The following FBXO41 variants were observed in gnomAD, a reference collection of about 807,000 sequenced individuals.
FBXO41 encodes F-box protein 41.
A neutral mutation model predicts 81.6 loss-of-function variants in FBXO41; 33 were observed. That is an observed-to-expected ratio of 0.40 (90% CI 0.31 to 0.54). FBXO41 has a LOEUF of 0.54. FBXO41 is among the 20% of genes least tolerant of loss of function. The pLI is 0.39. For missense variants in FBXO41, 1,107 were observed against 1,236.0 expected, an observed-to-expected ratio of 0.90 and a Z score of 1.56; for synonymous variants, 576 against 552.7, an observed-to-expected ratio of 1.04 and a Z score of -0.59.
At chr2:73,273,606 G>C (rs192221251) in intron 1 of FBXO41, among the ~76,000 whole-genome samples, 4 of 152,260 alleles carry the variant, frequency 2.6e-5, no homozygotes, top group East Asian at 3.9e-4. Context: ...CAGTCACTTC[G>C]GGAGCTGTGC....
rs1181494058 is a variant in FBXO41 at position 73,263,624 on chromosome 2, G to A, written c.2075+54C>T. 4.4e-6 allele frequency: 7 copies of A among 1,601,490 alleles called. No individual in the cohort carries two copies. The East Asian group carries it at 6.7e-5, about 15-fold the overall frequency. ...GAGGCTATGCAGCACCTAGGGATCC[G>A]GTAGGACCCTGGGCTTAGAGGGAAC... is the stretch of plus-strand genomic sequence containing the variant. On this transcript the variant is annotated intron_variant, in intron 8 of 12. Transcript: ENST00000520530.
At chr2:73,274,269 G>T (rs1383274050) in intron 1 of FBXO41, among the ~76,000 whole-genome samples, 1 of 152,196 alleles carries the variant, frequency 6.6e-6, no homozygotes, top group Non-Finnish European at 1.5e-5. Context: ...GTGATGGCTG[G>T]ACAGTTTTTC....
chr2:73,282,786 C>CA (rs1431133697), intron 1 of FBXO41, among the ~76,000 whole-genome samples: 29 of 152,128 alleles, frequency 1.9e-4, no homozygotes, highest in Non-Finnish European at 3.2e-4. Flanking sequence ...TGGATATCAC[C>CA]AAACTCCCTC....
At chr2:73,279,450 G>A (rs561614350) in intron 1 of FBXO41, among the ~76,000 whole-genome samples, 17 of 152,204 alleles carry the variant, frequency 1.1e-4, no homozygotes, top group Non-Finnish European at 2.4e-4. Context: ...AGAGAGAGGG[G>A]AGCTGGGGGA....
intron 9 of FBXO41, among the ~76,000 whole-genome samples, chr2:73,261,448 T>G (rs539547629): frequency 7.9e-4 from 121 of 152,266 alleles, no homozygotes; most frequent in African/African-American, 2.7e-3. Context: ...ACACTGCAGA[T>G]AGGGAGCCCC....
In FBXO41 at chr2:73,265,659, C is replaced by A; in HGVS notation, c.1206-19G>T. The A allele has an allele frequency of 6.7e-7, 1 of 1,489,022 alleles. No individual in the cohort carries two copies. Among genetic ancestry groups the A allele is most frequent in the South Asian group, 1.4e-5 (1 of 71,596 alleles). 92.2% of individuals were successfully genotyped at this position (1,489,022 alleles called of 1,614,324 possible). ...GGAGGCCCTGGGGCAGGGTGGACCA[C>A]ACAGTAAGGGGTAAGAGGCACCAGG... On this transcript the variant is annotated intron_variant, in intron 4 of 12. Coordinates refer to ENST00000520530, the MANE Select transcript of FBXO41 (RefSeq NM_001371389.2).
chr2:73,263,953 T>C lies in FBXO41; in HGVS notation c.1907A>G (p.Tyr636Cys). Residue 636 changes from tyrosine to cysteine, a missense_variant, in exon 7 of 13, where the codon TAT becomes TGT. This residue lies in a region of FBXO41 where 336 missense variants were observed against 446.7 expected (regional missense o/e 0.75). Transcript: ENST00000520530. ...CAGGCCTCACCGGGTGCTCCGGGCATACTCCTCCTTGCTCTCCTTCTTTCC... is the reference window on the plus strand; with the variant it reads ...CAGGCCTCACCGGGTGCTCCGGGCACACTCCTCCTTGCTCTCCTTCTTTCC... ...QRGKKESKEE[Y>C]ARSTRGCLEA... 2 of 1,610,222 alleles carry C rather than the reference T, an allele frequency of 1.2e-6. No homozygotes were observed. The highest frequency in any genetic ancestry group is 1.7e-6 in the Non-Finnish European group (2 of 1,178,158).
In FBXO41 at chr2:73,265,301, C is replaced by A; in HGVS notation, c.1545G>T (p.Leu515Phe). ...ACCTACCTGAGAGCCGGCAGCTGCT[C>A]AATGGCCCAGCCATAGCAGGCCCGG... ...PRPGPAMAGP[L>F]SSCRLSARPE... The change falls in exon 5 of 13, where the codon TTG (leucine) becomes TTT (phenylalanine). Residue 515 changes from leucine to phenylalanine, a missense_variant. Physicochemically the swap from Leu to Phe is conservative, Grantham distance 22 (BLOSUM62 0). Coordinates refer to ENST00000520530, the MANE Select transcript of FBXO41 (RefSeq NM_001371389.2). 6.2e-7 allele frequency: 1 copy of A among 1,607,864 alleles called. No individual in the cohort carries two copies. The highest frequency in any genetic ancestry group is 1.1e-5 in the South Asian group (1 of 90,776).
intron 2 of FBXO41, among the ~76,000 whole-genome samples, chr2:73,267,823 A>T (rs1298260288): frequency 6.6e-6 from 1 of 152,130 alleles, no homozygotes; most frequent in East Asian, 1.9e-4. Context: ...TCTATTTTAT[A>T]AAAAAAAGTG....
rs1035850376 is a variant in FBXO41 at position 73,260,928 on chromosome 2, T to C, written c.2172-70A>G. The C allele has an allele frequency of 1.5e-6, 2 of 1,310,262 alleles. No individual in the cohort carries two copies. The highest frequency in any genetic ancestry group is 2.2e-5 in the Admixed American group (1 of 44,696). The allele number at this position is 1,310,262 out of a possible 1,614,324, so 81.2% of individuals were successfully genotyped here. On this transcript the variant is annotated intron_variant, in intron 9 of 12. Coordinates refer to ENST00000520530, the MANE Select transcript of FBXO41 (RefSeq NM_001371389.2). This position sits in a 1 kb window ranked among gnomAD's most constrained non-coding sequence, Gnocchi z 5.0. ...TTGATAACCCAGCATGCTCCTCCTG[T>C]GGGACCCCTCCCTGACTCAGGCAAG...
chr2:73,264,065 G>A lies in FBXO41; in HGVS notation c.1807-12C>T, dbSNP rs1005604518. Reference sequence around the variant, plus strand: ...AGCATTGCCAGGAACTGTGGGGGAGGGGAAGGACATTTGGAGATGAAGGGG... The same window carrying A: ...AGCATTGCCAGGAACTGTGGGGGAGAGGAAGGACATTTGGAGATGAAGGGG... On this transcript the variant is annotated splice_polypyrimidine_tract_variant and intron_variant, in intron 6 of 12. Transcript: ENST00000520530. 1 of 1,578,674 alleles carries A rather than the reference G, an allele frequency of 6.3e-7. No homozygotes were observed. Among genetic ancestry groups the A allele is most frequent in the African/African-American group, 1.3e-5 (1 of 74,134 alleles).
intron 1 of FBXO41, among the ~76,000 whole-genome samples, chr2:73,277,522 C>T (rs1198718437): frequency 6.6e-6 from 1 of 152,194 alleles, no homozygotes; most frequent in Non-Finnish European, 1.5e-5. Context: ...TTTGGCCTGG[C>T]CCTGCCTCCA....
rs1010510828 is a variant in FBXO41, at chr2:73,254,856, G to C, written c.*4126C>G. 3.9e-5 allele frequency: 6 copies of C among 152,712 alleles called. No homozygotes were observed. The highest frequency in any genetic ancestry group is 7.3e-5 in the Non-Finnish European group (5 of 68,062). 9.5% of individuals were successfully genotyped at this position (152,712 alleles called of 1,614,324 possible). A position where few individuals can be genotyped will look rare whatever the true frequency, so the allele number is the denominator to read the frequency against. On this transcript the variant is annotated 3_prime_UTR_variant, in exon 13 of 13. Transcript: ENST00000520530. ...ATGCCTGGGTGGGGCAGAGAAGTGT[G>C]GCCAGGGAAGGCCCCCTGGGGGCTG...
rs767099341 is a variant in FBXO41, at chr2:73,266,510, G to A, written c.1078C>T (p.Arg360Cys). The A allele has an allele frequency of 3.4e-5, 55 of 1,595,812 alleles. No individual in the cohort carries two copies. The highest frequency in any genetic ancestry group is 2.2e-4 in the Middle Eastern group (1 of 4,486). The change falls in exon 3 of 13, where the codon CGT (arginine) becomes TGT (cysteine). Residue 360 changes from arginine (R) to cysteine (C), a missense_variant. Arg to Cys is a radical substitution (Grantham distance 180). This residue lies in a region of FBXO41 where 771 missense variants were observed against 789.2 expected (regional missense o/e 0.98). Transcript: ENST00000520530. The surrounding 1 kb of genome is among the most constrained non-coding windows in gnomAD (Gnocchi z 5.3). ...CGSTPSASLGRGGGGGGAGPN... is the reference protein window; with the variant it reads ...CGSTPSASLGCGGGGGGAGPN... ...CCAGCACCACCGCCCCCACCTCCAC[G>A]GCCCAGGCTGGCGCTGGGCGTGCTG... is the stretch of plus-strand genomic sequence containing the variant.
chr2:73,283,869 A>C (rs1275341329), intron 1 of FBXO41, among the ~76,000 whole-genome samples: 2 of 152,146 alleles, frequency 1.3e-5, no homozygotes, highest in Non-Finnish European at 2.9e-5. Context: ...CAAGGTCCAG[A>C]GTCCCAGTGG....
chr2:73,280,719 T>A (rs1688823030), intron 1 of FBXO41, among the ~76,000 whole-genome samples: 1 of 152,222 alleles, frequency 6.6e-6, no homozygotes, highest in African/African-American at 2.4e-5. Context: ...GAATCACTCC[T>A]TACTGCACCT....
rs1221707398 is a variant in FBXO41 at position 73,256,713 on chromosome 2, T to G, written c.*2269A>C. The G allele has an allele frequency of 6.6e-6, 1 of 152,200 alleles. No individual in the cohort carries two copies. The highest frequency in any genetic ancestry group is 1.5e-5 in the Non-Finnish European group (1 of 68,046). The allele number at this position is 152,200 out of a possible 1,614,324, so 9.4% of individuals were successfully genotyped here. A position where few individuals can be genotyped will look rare whatever the true frequency, so the allele number is the denominator to read the frequency against. On this transcript the variant is annotated 3_prime_UTR_variant, in exon 13 of 13. Transcript: ENST00000520530. ...CAGGTGGTGCTCAGTACTGTTGCAC[T>G]AATGAATGAATGAGTGAGTGAAACT...
At chr2:73,271,194 A>G (rs1688478859) in intron 1 of FBXO41, 3 of 333,492 alleles carry the variant, frequency 9.0e-6, no homozygotes, top group South Asian at 7.0e-5. Flanking sequence ...GCCTTCTGGC[A>G]TTTCCACAGG....
In FBXO41 at chr2:73,259,688, C is replaced by T. The variant is rs1201150823; in HGVS notation, c.2450-392G>A. Among the ~76,000 whole-genome samples the T allele has an allele frequency of 1.3e-5, 2 of 151,936 alleles. No individual in the cohort carries two copies. The highest frequency in any genetic ancestry group is 2.9e-5 in the Non-Finnish European group (2 of 67,986). On this transcript the variant is annotated intron_variant, in intron 11 of 12. Transcript: ENST00000520530. The surrounding 1 kb of genome is among the most constrained non-coding windows in gnomAD (Gnocchi z 4.2). ...GGGAGGTGGGGCAAATACTTGGGGA[C>T]AGAGGGCTTCAGGGACTGGATATGT...
Sources: gnomAD v4.1 joint callset for allele counts (sites outside exome capture counted in the v4.1 genomes callset) on GRCh38, gnomAD v4.1.1 for gene constraint, gnomAD v4.1.1 regional missense constraint, Gnocchi (gnomAD v3.1) non-coding constraint, MANE v1.5 for transcripts, NCBI Gene and HGNC (gene_info 2026-07-23, HGNC 2026-07-21) for gene names.